GPRC5D: variants seen among roughly 807,000 people sequenced by gnomAD.
GPRC5D encodes the protein G protein-coupled receptor class C group 5 member D.
In GPRC5D, 20 loss-of-function variants were observed where a neutral mutation model predicts 29.3. The ratio of observed to expected loss-of-function variants is 0.68; its 90% confidence interval spans 0.48 to 0.99. GPRC5D has a LOEUF of 0.99. GPRC5D is among the 50% of genes least tolerant of loss of function. GPRC5D has a pLI of 0.00. For synonymous variants in GPRC5D, 178 were observed against 171.3 expected (o/e 1.04, Z -0.30); for missense variants, 384 against 423.6 (o/e 0.91, Z 0.82).
At chr12:12,942,273 G>A in exon 2 of GPRC5D, 1 of 1,607,952 alleles carries the variant, frequency 6.2e-7, no homozygotes. Flanking sequence ...GCGGCTGAAT[G>A]GGAGTACCAT....
chr12:12,942,413 G>A, intron 1 of GPRC5D, 85 bp from the exon 3 acceptor site: 1 of 844,354 alleles, frequency 1.2e-6, no homozygotes, highest in South Asian at 1.4e-5. Flanking sequence ...AAACTCCATG[G>A]CTTGCAAACA....
upstream of GPRC5D, chr12:12,952,165 A>G (rs1380118443): frequency 6.6e-6 from 1 of 152,156 alleles, no homozygotes; most frequent in East Asian, 1.9e-4. Context: ...GTAACTGCCA[A>G]TGAGTAAGAA....
At chr12:12,943,385 G>A (rs1403261230) in intron 1 of GPRC5D, among the ~76,000 whole-genome samples, 2 of 152,134 alleles carry the variant, frequency 1.3e-5, no homozygotes, top group Admixed American at 1.3e-4. Flanking sequence ...TCTCATTTGT[G>A]TTACCTACCT....
At chr12:12,950,390 C>G, upstream of GPRC5D, 1 of 1,589,410 alleles carries the variant, frequency 6.3e-7, no homozygotes, top group South Asian at 1.1e-5. Context: ...TACATGGTGA[C>G]TTATGGGTGT....
intron 1 of GPRC5D, chr12:12,948,199 G>A (rs552461602): frequency 3.3e-5 from 5 of 152,030 alleles, no homozygotes; most frequent in East Asian, 1.9e-4. Context: ...CAGCAGCAAC[G>A]AAAACACAAA....
At chr12:12,950,936 C>T (rs540842116), upstream of GPRC5D, among the ~76,000 whole-genome samples, 1 of 152,192 alleles carries the variant, frequency 6.6e-6, no homozygotes, top group South Asian at 2.1e-4. Context: ...GAAACCCCAT[C>T]TCTACTAAAA....
At chr12:12,947,667 T>A (rs1400469853) in intron 1 of GPRC5D, among the ~76,000 whole-genome samples, 1 of 151,684 alleles carries the variant, frequency 6.6e-6, no homozygotes, top group African/African-American at 2.4e-5. Context: ...CAGACTCAAG[T>A]GATCTTCCCA....
intron 1 of GPRC5D, among the ~76,000 whole-genome samples, chr12:12,946,160 C>T (rs1485016139): frequency 6.6e-6 from 1 of 152,146 alleles, no homozygotes; most frequent in Non-Finnish European, 1.5e-5. Flanking sequence ...TCTCTCATGC[C>T]TTTGCGTCCA....
rs144517754 is a variant in GPRC5D, at chr12:12,949,656, G to A, written c.729C>T (p.Cys243=). ...CCCATGCGTTGGTGACCAGAGCAATGCAGACGACCGGGTCGTCCCACTGGG... is the reference window on the plus strand; with the variant it reads ...CCCATGCGTTGGTGACCAGAGCAATACAGACGACCGGGTCGTCCCACTGGG... The change falls in exon 1 of 3, where the codon TGC becomes TGT. Residue 243 remains cysteine (C), a synonymous_variant. Transcript: ENST00000228887. 46 of 1,614,178 alleles carry A rather than the reference G, an allele frequency of 2.8e-5. No homozygotes were observed. In the African/African-American group the frequency reaches 5.1e-4, roughly 18 times the overall value.
At position 12,949,796 on chromosome 12, in the gene GPRC5D, C is replaced by CA; in HGVS notation, c.588dup (p.Glu197Ter). On this transcript the variant is annotated frameshift_variant, in exon 1 of 3. Transcript: ENST00000228887. LOFTEE classifies it high-confidence loss of function. The stretch of plus-strand genomic sequence containing the variant: ...AGCCTTCCATGCTGCTTCCAGTTCT[C>CA]ACACGGGCCACAGAAGGTGGCTTTG... 6.2e-7 allele frequency: 1 copy of CA among 1,614,138 alleles called. No individual in the cohort carries two copies. The highest frequency in any genetic ancestry group is 8.5e-7 in the Non-Finnish European group (1 of 1,180,008).
intron 1 of GPRC5D, among the ~76,000 whole-genome samples, chr12:12,946,287 CCTTTCTTCCTTCCTTCCTTCCT>C (rs1565478237): frequency 6.2e-4 from 53 of 86,068 alleles, no homozygotes; most frequent in African/African-American, 1.9e-3. Flanking sequence ...TTCCTTCCTT[CCTTTCTTCCTTCCTTCCTTCCT>C]TTTCTTTCTT....
exon 3 of GPRC5D, chr12:12,940,791 T>G: frequency 6.2e-7 from 1 of 1,604,216 alleles, no homozygotes; most frequent in South Asian, 1.1e-5. Flanking sequence ...TCCTCCTGCA[T>G]CTTGCTGGGG....
At chr12:12,941,997 T>G (rs1181266628) in intron 2 of GPRC5D, among the ~76,000 whole-genome samples, 1 of 152,236 alleles carries the variant, frequency 6.6e-6, no homozygotes, top group Admixed American at 6.5e-5. Flanking sequence ...CAAGCTGCCC[T>G]TTCTTTCCAG....
intron 1 of GPRC5D, among the ~76,000 whole-genome samples, chr12:12,946,299 CCT>C (rs1863324420): frequency 1.8e-5 from 1 of 56,022 alleles, no homozygotes; most frequent in South Asian, 7.0e-4. Context: ...TTTCTTCCTT[CCT>C]TCCTTCCTTT....
rs894923912 is a variant in GPRC5D at position 12,940,869 on chromosome 12, A to G, written c.964-20T>C. The G allele has an allele frequency of 3.4e-6, 5 of 1,484,356 alleles. No individual in the cohort carries two copies. Among genetic ancestry groups the G allele is most frequent in the Non-Finnish European group, 3.8e-6 (4 of 1,061,700 alleles). 91.9% of individuals were successfully genotyped at this position (1,484,356 alleles called of 1,614,324 possible). On this transcript the variant is annotated intron_variant, in intron 2 of 2. Coordinates refer to ENST00000228887, the Ensembl canonical transcript of GPRC5D. Reference sequence around the variant, plus strand: ...AACAGTCTGGAAAGGAAGAAATGCCATCATCAACTTTCTGAGCAACAAAAG... The same window carrying G: ...AACAGTCTGGAAAGGAAGAAATGCCGTCATCAACTTTCTGAGCAACAAAAG...
chr12:12,946,426 C>A (rs1318578458), intron 1 of GPRC5D, among the ~76,000 whole-genome samples: 1 of 55,388 alleles, frequency 1.8e-5, no homozygotes, highest in Non-Finnish European at 5.6e-5. Flanking sequence ...CTCTCTCTCT[C>A]TTTCTCTCTT....
rs1863433254 is a variant in GPRC5D at position 12,949,574 on chromosome 12, G to A, written c.811C>T (p.Gln271Ter). The A allele has an allele frequency of 6.2e-7, 1 of 1,613,818 alleles. No homozygotes were observed. Among genetic ancestry groups the A allele is most frequent in the East Asian group, 2.2e-5 (1 of 44,892 alleles). The stretch of plus-strand genomic sequence containing the variant: ...GCATTGCCTTGTAAAGGGCACTCCT[G>A]TCTACACGATCTGTAGAGAATGCAG... Residue 271 changes from glutamine (Q) to a stop codon, truncating the protein, a stop_gained, in exon 1 of 3, where the codon CAG (glutamine) becomes TAG (stop). Coordinates refer to ENST00000228887, the Ensembl canonical transcript of GPRC5D. LOFTEE classifies it high-confidence loss of function.
chr12:12,941,421 T>C (rs1377984247), intron 2 of GPRC5D, among the ~76,000 whole-genome samples: 1 of 152,180 alleles, frequency 6.6e-6, no homozygotes, highest in Non-Finnish European at 1.5e-5. Flanking sequence ...GTTTTCATTA[T>C]GTAAATGCCC....
exon 1 of GPRC5D, chr12:12,950,035 A>G: frequency 2.5e-6 from 4 of 1,614,172 alleles, no homozygotes; most frequent in Non-Finnish European, 3.4e-6. Flanking sequence ...ACCCCGAACC[A>G]GCTTCACTAG....
Sources: allele counts gnomAD v4.1 joint callset (sites outside exome capture counted in the v4.1 genomes callset), GRCh38; gene constraint gnomAD v4.1.1; transcripts MANE v1.5; gene names NCBI Gene and HGNC (gene_info 2026-07-23, HGNC 2026-07-21).